Variants in SHC4 observed in about 807,000 individuals in gnomAD.
SHC4 encodes SHC adaptor protein 4.
In SHC4, 41 loss-of-function variants were observed where a neutral mutation model predicts 69.4. The observed-to-expected ratio is 0.59, with a 90% confidence interval of 0.46 to 0.77. The LOEUF (loss-of-function observed/expected upper bound fraction) is 0.77, where lower values mean the gene tolerates loss of function less well. Among genes scored for constraint, SHC4 ranks in the 30% least tolerant of loss-of-function variants. The pLI is 0.00. For synonymous variants in SHC4, 318 were observed against 299.3 expected (o/e 1.06, Z -0.64); for missense variants, 777 against 783.8 (o/e 0.99, Z 0.10).
At chr15:48,932,693 T>C (rs1428859025) in intron 1 of SHC4, among the ~76,000 whole-genome samples, 4 of 152,164 alleles carry the variant, frequency 2.6e-5, no homozygotes, top group African/African-American at 7.2e-5. Context: ...CTCCTCTTCC[T>C]CCCCATCCCT....
chr15:48,861,114 G>A (rs1448567350), intron 6 of SHC4, among the ~76,000 whole-genome samples: 1 of 152,146 alleles, frequency 6.6e-6, no homozygotes, highest in Non-Finnish European at 1.5e-5. Flanking sequence ...CTTTGGATTA[G>A]CCTATTACTA....
intron 3 of SHC4, among the ~76,000 whole-genome samples, chr15:48,888,108 C>T (rs951919498): frequency 2.0e-5 from 3 of 152,170 alleles, no homozygotes; most frequent in Non-Finnish European, 4.4e-5. Flanking sequence ...AGCCATTCTA[C>T]TTCTGGGTAT....
chr15:48,830,855 T>C (rs1898786088), intron 11 of SHC4, among the ~76,000 whole-genome samples: 1 of 152,092 alleles, frequency 6.6e-6, no homozygotes, highest in Non-Finnish European at 1.5e-5. Context: ...CTCAAGCAGG[T>C]CCTTTAGGAG....
rs1900417984 is a variant in SHC4, at chr15:48,907,124, A to G, written c.657-16313T>C. On this transcript the variant is annotated intron_variant, in intron 2 of 11. Transcript: ENST00000332408. Reference sequence around the variant, plus strand: ...CCAGATTTACTTTTCATAATCAGAAAAGGAATGCAAAAAAAAATTAAGAAT... The same window carrying G: ...CCAGATTTACTTTTCATAATCAGAAGAGGAATGCAAAAAAAAATTAAGAAT... 2.0e-5 allele frequency among the ~76,000 whole-genome samples: 3 copies of G among 152,176 alleles called. No homozygotes were observed. The South Asian group carries it at 6.2e-4, about 32-fold the overall frequency.
chr15:48,875,572 G>A (rs1359117357), intron 4 of SHC4, among the ~76,000 whole-genome samples: 19 of 152,188 alleles, frequency 1.2e-4, no homozygotes, highest in Admixed American at 1.2e-3. Flanking sequence ...TGTTAGAAAG[G>A]AACAATGCTT....
chr15:48,838,128 T>C (rs1472719558), intron 10 of SHC4, among the ~76,000 whole-genome samples: 1 of 152,228 alleles, frequency 6.6e-6, no homozygotes, highest in East Asian at 1.9e-4. Context: ...CAATTTAAAA[T>C]AGTGAAGATT....
intron 2 of SHC4, among the ~76,000 whole-genome samples, chr15:48,904,332 T>C (rs1437316119): frequency 6.6e-6 from 1 of 152,238 alleles, no homozygotes; most frequent in Non-Finnish European, 1.5e-5. Flanking sequence ...TTAATAGTAA[T>C]ATCTATTTTA....
rs762435748 is a variant in SHC4 at position 48,825,965 on chromosome 15, A to T, written c.*6T>A. ...GAAATATCAGTGTGATGGTGCTTCA[A>T]TACTGTCATTTGTTGGAATGCAAAA... On this transcript the variant is annotated 3_prime_UTR_variant, in exon 12 of 12. Transcript: ENST00000332408. 6.2e-7 allele frequency: 1 copy of T among 1,612,628 alleles called. No homozygotes were observed.
At chr15:48,864,823 A>G (rs1899526674) in intron 6 of SHC4, among the ~76,000 whole-genome samples, 1 of 152,172 alleles carries the variant, frequency 6.6e-6, no homozygotes, top group Non-Finnish European at 1.5e-5. Flanking sequence ...ACATAATAAT[A>G]TTTTTAAAGC....
At chr15:48,891,667 A>T (rs1900140019) in intron 2 of SHC4, among the ~76,000 whole-genome samples, 1 of 152,244 alleles carries the variant, frequency 6.6e-6, no homozygotes, top group Non-Finnish European at 1.5e-5. Flanking sequence ...GATTCCCCAG[A>T]GATCATTGTT....
chr15:48,924,454 C>T (rs1433180368), intron 2 of SHC4, among the ~76,000 whole-genome samples: 3 of 152,148 alleles, frequency 2.0e-5, no homozygotes, highest in Admixed American at 6.5e-5. Context: ...AGGAGGGAGA[C>T]CCAGACAAGG....
chr15:48,911,226 T>A (rs940513094), intron 2 of SHC4, among the ~76,000 whole-genome samples: 8 of 152,162 alleles, frequency 5.3e-5, no homozygotes, highest in Non-Finnish European at 1.2e-4. Flanking sequence ...TTAGTAATTG[T>A]TTTATAAATT....
At chr15:48,927,239 C>T (rs7178573) in intron 1 of SHC4, among the ~76,000 whole-genome samples, 34,615 of 152,024 alleles carry the variant, frequency 0.23, 4,312 homozygotes, top group Non-Finnish European at 0.26. Context: ...TACCTTCCAG[C>T]GCCCTCTTCC....
intron 4 of SHC4, chr15:48,876,637 A>C: frequency 1.4e-6 from 1 of 693,370 alleles, no homozygotes; most frequent in South Asian, 1.5e-5. Flanking sequence ...TTGGGAATCC[A>C]ATGTTCGAGG....
rs1898937773 is a variant in SHC4 at position 48,838,563 on chromosome 15, G to A, written c.1484-3541C>T. On this transcript the variant is annotated intron_variant, in intron 10 of 11. Transcript: ENST00000332408. ...TTAACATGAAATGTTAAGCATAAAT[G>A]AGAGAGAGGTTCAGATAGTACCCAG... 3.9e-5 allele frequency among the ~76,000 whole-genome samples: 6 copies of A among 152,148 alleles called. No homozygotes were observed. The South Asian group carries it at 1.2e-3, about 32-fold the overall frequency.
chr15:48,835,280 G>T (rs1443716406), intron 10 of SHC4, among the ~76,000 whole-genome samples: 1 of 152,162 alleles, frequency 6.6e-6, no homozygotes, highest in Non-Finnish European at 1.5e-5. Context: ...TCTTTCAGAT[G>T]GGAAATGGAA....
At chr15:48,914,602 G>A (rs185801071) in intron 2 of SHC4, among the ~76,000 whole-genome samples, 4 of 152,228 alleles carry the variant, frequency 2.6e-5, no homozygotes, top group Admixed American at 2.6e-4. Flanking sequence ...TGTATGACAT[G>A]CTAGAAACTT....
intron 2 of SHC4, among the ~76,000 whole-genome samples, chr15:48,912,890 G>A (rs1048075995): frequency 3.3e-5 from 5 of 152,030 alleles, no homozygotes; most frequent in East Asian, 1.9e-4. Flanking sequence ...GAGTCTACCT[G>A]GCTCTGGGCT....
intron 1 of SHC4, among the ~76,000 whole-genome samples, chr15:48,956,970 C>CTTTTTTTTTTTTTTTTTT (rs1234585427): frequency 4.3e-5 from 3 of 70,166 alleles, no homozygotes; most frequent in East Asian, 4.9e-4. Flanking sequence ...TTCTTTCTTT[C>CTTTTTTTTTTTTTTTTTT]TTTCTTTTTT....
Sources: gnomAD v4.1 joint callset for allele counts (sites outside exome capture counted in the v4.1 genomes callset) on GRCh38, gnomAD v4.1.1 for gene constraint, MANE v1.5 for transcripts, NCBI Gene and HGNC (gene_info 2026-07-23, HGNC 2026-07-21) for gene names.